The following ABCA9 variants were observed in gnomAD, a reference collection of about 807,000 sequenced individuals.
The protein encoded by ABCA9 is ATP binding cassette subfamily A member 9.
Under a neutral mutation model 205.3 loss-of-function variants are expected in ABCA9, and 183 were observed. That is an observed-to-expected ratio of 0.89 (90% confidence interval 0.79 to 1.01). The LOEUF (loss-of-function observed/expected upper bound fraction) is 1.01, where lower values mean the gene tolerates loss of function less well. Among genes scored for constraint, ABCA9 ranks in the 50% least tolerant of loss-of-function variants. The pLI, the probability that ABCA9 is intolerant of heterozygous loss-of-function variation, is 0.00. For synonymous variants in ABCA9, 651 were observed against 683.3 expected (o/e 0.95, Z 0.74); for missense variants, 1,805 against 1,912.4 (o/e 0.94, Z 1.05).
At chr17:69,004,719 C>G (rs1217232092) in intron 25 of ABCA9, 1 of 165,198 alleles carries the variant, frequency 6.1e-6, no homozygotes, top group African/African-American at 2.4e-5. Flanking sequence ...GCCTCGCTGC[C>G]GCCTTGCAGT....
intron 6 of ABCA9, 164 bp downstream of exon 6, chr17:69,043,325 A>C: frequency 1.8e-6 from 1 of 565,334 alleles, no homozygotes; most frequent in South Asian, 2.4e-5. Context: ...AGCTTTGCTC[A>C]CTTGCCTGCC....
At position 68,990,810 on chromosome 17, in the gene ABCA9, T is replaced by C. The variant is rs775523040; in HGVS notation, c.3837+27A>G. On this transcript the variant is annotated intron_variant, in intron 29 of 38. Transcript: ENST00000340001. Reference sequence around the variant, plus strand: ...CTTTATCTGTCAGAAAAAAAAATAGTTGACGAAGAACATTTCTGAGTTCTA... The same window carrying C: ...CTTTATCTGTCAGAAAAAAAAATAGCTGACGAAGAACATTTCTGAGTTCTA... 12 of 1,594,428 alleles carry C rather than the reference T, an allele frequency of 7.5e-6. No individual in the cohort carries two copies. The African/African-American group carries it at 1.2e-4, about 16-fold the overall frequency.
At chr17:68,996,916 T>A (rs1163997171) in intron 25 of ABCA9, among the ~76,000 whole-genome samples, 1 of 152,184 alleles carries the variant, frequency 6.6e-6, no homozygotes, top group Non-Finnish European at 1.5e-5. Context: ...TACTTGACTA[T>A]TTTTAAATTA....
the ABCA9 span, among the ~76,000 whole-genome samples, chr17:69,069,743 G>T: frequency 6.6e-6 from 1 of 151,766 alleles, no homozygotes; most frequent in Non-Finnish European, 1.5e-5. Flanking sequence ...TCCGTTTTCA[G>T]AATCATTAAT....
rs771676727 is a variant in ABCA9, at chr17:69,008,082, TTATAAA to T, written c.3295_3300del (p.Phe1099_Ile1100del). ...CTTACTTGAATTAACAGGTTTTGAA[TTATAAA>T]TATAATCTCCTCTGGGCTAAAAATA... is the stretch of plus-strand genomic sequence containing the variant. On this transcript the variant is annotated inframe_deletion, in exon 24 of 39. Transcript: ENST00000340001. 8 of 1,608,278 alleles carry T rather than the reference TTATAAA, an allele frequency of 5.0e-6. No homozygotes were observed. The highest frequency in any genetic ancestry group is 1.7e-4 in the Middle Eastern group (1 of 6,038).
At chr17:69,076,704 G>A in the ABCA9 span, among the ~76,000 whole-genome samples, 3 of 152,180 alleles carry the variant, frequency 2.0e-5, no homozygotes, top group African/African-American at 4.8e-5. Context: ...GTATTGGTCT[G>A]CTAGGGTTTC....
chr17:69,028,505 G>A, intron 12 of ABCA9, 30 bp downstream of exon 12: 1 of 1,450,978 alleles, frequency 6.9e-7, no homozygotes. Context: ...GTTTGTCCAG[G>A]TACTTGTCCT....
chr17:68,986,225 G>A lies in ABCA9; in HGVS notation c.4147C>T (p.Leu1383=). The A allele has an allele frequency of 6.2e-7, 1 of 1,613,920 alleles. No homozygotes were observed. The highest frequency in any genetic ancestry group is 1.1e-5 in the South Asian group (1 of 91,040). ...CCTTTCACGGCAGCGTACACCTCCAGGTGCTGCCTCACTGTCAGGTTGGGC... is the reference window on the plus strand; with the variant it reads ...CCTTTCACGGCAGCGTACACCTCCAAGTGCTGCCTCACTGTCAGGTTGGGC... ...LWPNLTVRQH[L]EVYAAVKGLR... is the part of the protein sequence containing the mutation. The change falls in exon 32 of 39, where the codon CTG becomes TTG. Residue 1383 remains leucine, a synonymous_variant. Transcript: ENST00000340001.
chr17:69,021,889 A>G, intron 17 of ABCA9, 28 bp from the exon 18 acceptor site: 1 of 1,364,446 alleles, frequency 7.3e-7, no homozygotes, highest in Non-Finnish European at 9.9e-7. Flanking sequence ...AACAGATTAT[A>G]AGAATATAAT....
At chr17:68,982,728 G>T in intron 36 of ABCA9, 87 bp from the exon 37 acceptor site, 1 of 1,081,052 alleles carries the variant, frequency 9.3e-7, no homozygotes, top group Non-Finnish European at 1.4e-6. Flanking sequence ...AACAAGGCTA[G>T]GCATGGTGGC....
chr17:68,992,925 CCTT>C, intron 27 of ABCA9, 88 bp downstream of exon 27: 5 of 1,041,266 alleles, frequency 4.8e-6, no homozygotes, highest in Admixed American at 2.0e-5. Context: ...AATGTCCAAA[CCTT>C]CTTAATTTGA....
At chr17:69,027,896 A>G (rs1385493810) in intron 12 of ABCA9, 81 bp from the exon 13 acceptor site, 1 of 1,087,460 alleles carries the variant, frequency 9.2e-7, no homozygotes, top group Non-Finnish European at 1.3e-6. Flanking sequence ...AAAACACTGT[A>G]TGTCAATTAT....
At chr17:69,030,130 C>T (rs1295872944) in intron 10 of ABCA9, among the ~76,000 whole-genome samples, 1 of 152,204 alleles carries the variant, frequency 6.6e-6, no homozygotes, top group Non-Finnish European at 1.5e-5. Flanking sequence ...TTTTTACTTA[C>T]ATTATCACAA....
upstream of ABCA9, among the ~76,000 whole-genome samples, chr17:69,065,321 T>A (rs773560383): frequency 2.0e-5 from 3 of 152,270 alleles, no homozygotes; most frequent in Non-Finnish European, 4.4e-5. Flanking sequence ...GTTGTCCTTG[T>A]GTCTATCCTT....
intron 2 of ABCA9, among the ~76,000 whole-genome samples, chr17:69,050,643 G>A (rs961615533): frequency 2.0e-4 from 30 of 152,020 alleles, no homozygotes; most frequent in Admixed American, 2.0e-3. Context: ...CCTTTTCATT[G>A]TTTGTTAGAT....
chr17:69,033,144 T>G (rs1314836514), intron 9 of ABCA9: 2 of 151,772 alleles, frequency 1.3e-5, no homozygotes, highest in Non-Finnish European at 2.9e-5. Flanking sequence ...TCGTCTCCAC[T>G]GAAAACACAA....
At chr17:69,061,573 G>C (rs886097998), upstream of ABCA9, among the ~76,000 whole-genome samples, 4 of 152,136 alleles carry the variant, frequency 2.6e-5, no homozygotes, top group African/African-American at 9.7e-5. Context: ...AGAATCTTTA[G>C]AGAAATCTCA....
intron 25 of ABCA9, among the ~76,000 whole-genome samples, chr17:69,004,068 T>C (rs538995054): frequency 2.0e-5 from 3 of 152,324 alleles, no homozygotes; most frequent in African/African-American, 7.2e-5. Context: ...TTTGCATGTC[T>C]TCCCGTAGCT....
the ABCA9 span, among the ~76,000 whole-genome samples, chr17:69,076,443 A>G: frequency 5.9e-5 from 9 of 152,170 alleles, no homozygotes; most frequent in Non-Finnish European, 1.3e-4. Flanking sequence ...GGATATTTGT[A>G]TCTATATTCA....
Sources: allele counts gnomAD v4.1 joint callset (sites outside exome capture counted in the v4.1 genomes callset), GRCh38; gene constraint gnomAD v4.1.1; transcripts MANE v1.5; gene names NCBI Gene and HGNC (gene_info 2026-07-23, HGNC 2026-07-21).